CGAS: variants seen among roughly 807,000 people sequenced by gnomAD.
CGAS encodes 2'3'-cGAMP synthase.
Under a neutral mutation model 34.0 loss-of-function variants are expected in CGAS, and 31 were observed. The observed-to-expected ratio is 0.91, with a 90% confidence interval of 0.69 to 1.23. The LOEUF is 1.23. Among genes scored for constraint, CGAS ranks in the 50% most tolerant of loss-of-function variants. The probability of loss-of-function intolerance (pLI) is 0.00; values close to 1 mark genes in which losing one functional copy is unlikely to be tolerated. For missense variants in CGAS, 597 were observed against 657.6 expected (o/e 0.91, Z 1.01); for synonymous variants, 266 against 260.0 (o/e 1.02, Z -0.22).
At chr6:73,432,669 C>A (rs1286745083) in intron 3 of CGAS, among the ~76,000 whole-genome samples, 2 of 152,082 alleles carry the variant, frequency 1.3e-5, no homozygotes, top group African/African-American at 2.4e-5. Flanking sequence ...TCACGTGGCC[C>A]AGGCTTGAAC....
At chr6:73,437,287 T>C (rs1253564782) in intron 3 of CGAS, among the ~76,000 whole-genome samples, 2 of 151,936 alleles carry the variant, frequency 1.3e-5, no homozygotes, top group African/African-American at 4.8e-5. Context: ...TAACTGTACC[T>C]TTTTCCATAG....
intron 2 of CGAS, among the ~76,000 whole-genome samples, chr6:73,443,453 T>C (rs1278879935): frequency 6.6e-6 from 1 of 152,030 alleles, no homozygotes; most frequent in Non-Finnish European, 1.5e-5. Context: ...TTGGCCAGGC[T>C]GGTCTTGAAC....
In CGAS at chr6:73,449,013, C is replaced by T. The variant is rs948890804; in HGVS notation, c.657+2512G>A. On this transcript the variant is annotated intron_variant, in intron 1 of 4. Coordinates refer to ENST00000370315, the MANE Select transcript of CGAS (RefSeq NM_138441.3). ...CTGAGGCAGGAGACTCACTTGAACC[C>T]GGGAGGCGGAGGTTACAGTGAGCCA... is the stretch of plus-strand genomic sequence containing the variant. Among the ~76,000 whole-genome samples, 11 of 151,784 alleles carry T rather than the reference C, an allele frequency of 7.2e-5. No individual in the cohort carries two copies. The South Asian group carries it at 1.9e-3, about 26-fold the overall frequency.
intron 3 of CGAS, among the ~76,000 whole-genome samples, chr6:73,429,139 G>A (rs1252639995): frequency 3.3e-5 from 5 of 150,082 alleles, no homozygotes; most frequent in African/African-American, 9.8e-5. Flanking sequence ...GCAGTGAGCC[G>A]AGATTGCACC....
At chr6:73,434,742 G>GT (rs2150811783) in intron 3 of CGAS, among the ~76,000 whole-genome samples, 1 of 152,092 alleles carries the variant, frequency 6.6e-6, no homozygotes, top group Non-Finnish European at 1.5e-5. Context: ...CACCCACCAA[G>GT]TTCAAGTGAT....
chr6:73,427,485 A>G (rs983205397), intron 4 of CGAS, among the ~76,000 whole-genome samples: 4 of 151,600 alleles, frequency 2.6e-5, no homozygotes, highest in African/African-American at 9.7e-5. Context: ...TTTTTAGTAG[A>G]GACGGGGTTT....
chr6:73,431,172 T>G (rs1489064134), intron 3 of CGAS, among the ~76,000 whole-genome samples: 1 of 150,696 alleles, frequency 6.6e-6, no homozygotes, highest in Non-Finnish European at 1.5e-5. Context: ...ATCTAACTGC[T>G]AATGAAATAT....
At chr6:73,434,704 GT>G (rs1288065675) in intron 3 of CGAS, among the ~76,000 whole-genome samples, 1 of 151,872 alleles carries the variant, frequency 6.6e-6, no homozygotes, top group Non-Finnish European at 1.5e-5. Flanking sequence ...CTGGAGTGCA[GT>G]GGCATGATCT....
intron 3 of CGAS, among the ~76,000 whole-genome samples, chr6:73,429,051 A>G (rs1003194612): frequency 6.6e-6 from 1 of 152,028 alleles, no homozygotes; most frequent in African/African-American, 2.4e-5. Flanking sequence ...TTATCCTGGC[A>G]TGGTGGCACA....
chr6:73,436,269 C>T (rs965980419), intron 3 of CGAS, among the ~76,000 whole-genome samples: 15 of 151,710 alleles, frequency 9.9e-5, no homozygotes, highest in African/African-American at 3.4e-4. Flanking sequence ...TACAATAAAC[C>T]AATATTGATA....
chr6:73,441,086 T>G (rs1229958820), intron 2 of CGAS, among the ~76,000 whole-genome samples: 1 of 150,522 alleles, frequency 6.6e-6, no homozygotes, highest in Non-Finnish European at 1.5e-5. Flanking sequence ...CTTTTTCTTT[T>G]TTTTTTTTTT....
At chr6:73,437,078 G>C (rs2150812620) in intron 3 of CGAS, among the ~76,000 whole-genome samples, 1 of 152,218 alleles carries the variant, frequency 6.6e-6, no homozygotes, top group Admixed American at 6.5e-5. Flanking sequence ...CTTGAACCTG[G>C]GAGGCGAAGG....
chr6:73,436,573 A>G (rs1180088456), intron 3 of CGAS, among the ~76,000 whole-genome samples: 1 of 151,898 alleles, frequency 6.6e-6, no homozygotes, highest in Non-Finnish European at 1.5e-5. Flanking sequence ...CCCAGGCTAG[A>G]GTGCAGTGGC....
At chr6:73,451,346 G>C (rs954703579) in intron 1 of CGAS, among the ~76,000 whole-genome samples, 179 bp downstream of exon 1, 19 of 152,198 alleles carry the variant, frequency 1.2e-4, no homozygotes, top group African/African-American at 4.6e-4. Context: ...CTGATCGTTG[G>C]ATGTGTAGAT....
intron 1 of CGAS, among the ~76,000 whole-genome samples, chr6:73,449,745 C>T (rs969731804): frequency 6.6e-6 from 1 of 152,080 alleles, no homozygotes; most frequent in African/African-American, 2.4e-5. Context: ...CCTGTAATCC[C>T]AGCACTTAGG....
chr6:73,450,436 A>AAGAAAG (rs1316564663), intron 1 of CGAS, among the ~76,000 whole-genome samples: 7 of 151,914 alleles, frequency 4.6e-5, no homozygotes, highest in Non-Finnish European at 8.8e-5. Flanking sequence ...AAAAGAAAGA[A>AAGAAAG]AGAAAGAAAA....
intron 2 of CGAS, among the ~76,000 whole-genome samples, chr6:73,444,315 T>A (rs3107199): frequency 0.76 from 108,824 of 143,228 alleles, 43,623 homozygotes; most frequent in Non-Finnish European, 0.9. Context: ...AATTTAATTT[T>A]ATTTTATTTT....
chr6:73,437,364 C>T (rs537489115), intron 3 of CGAS, among the ~76,000 whole-genome samples: 47 of 152,102 alleles, frequency 3.1e-4, no homozygotes, highest in Non-Finnish European at 2.1e-4. Context: ...AATTTAAAAA[C>T]CAGTATCTAA....
At chr6:73,442,408 T>G (rs1182625642) in intron 2 of CGAS, among the ~76,000 whole-genome samples, 2 of 149,764 alleles carry the variant, frequency 1.3e-5, no homozygotes, top group Non-Finnish European at 2.9e-5. Context: ...CCCAAACTTT[T>G]TTTTTTTTTT....
Sources: gnomAD v4.1 joint callset for allele counts (sites outside exome capture counted in the v4.1 genomes callset) on GRCh38, gnomAD v4.1.1 for gene constraint, MANE v1.5 for transcripts, NCBI Gene and HGNC (gene_info 2026-07-23, HGNC 2026-07-21) for gene names.